STK31: variants seen among roughly 807,000 people sequenced by gnomAD.
The protein encoded by STK31 is serine/threonine-protein kinase 31.
A neutral mutation model predicts 129.7 loss-of-function variants in STK31; 89 were observed. The ratio of observed to expected loss-of-function variants is 0.69; its 90% confidence interval spans 0.58 to 0.82. STK31 has a LOEUF of 0.82. Among genes scored for constraint, STK31 ranks in the 40% least tolerant of loss-of-function variants. STK31 has a pLI of 0.00. For missense variants in STK31, 1,187 were observed against 1,176.4 expected, an observed-to-expected ratio of 1.01 and a Z score of -0.13; for synonymous variants, 448 against 395.3, an observed-to-expected ratio of 1.13 and a Z score of -1.58.
chr7:23,726,713 A>G (rs370969971), intron 4 of STK31, among the ~76,000 whole-genome samples: 18 of 152,238 alleles, frequency 1.2e-4, no homozygotes, highest in Middle Eastern at 3.4e-3. Flanking sequence ...AATAAAGTAC[A>G]GTATTAAAGA....
chr7:23,781,280 A>G, intron 15 of STK31, 139 bp from the exon 16 acceptor site: 1 of 569,088 alleles, frequency 1.8e-6, no homozygotes, highest in East Asian at 3.3e-5. Context: ...TTCAGCAAGT[A>G]TTAGAAGGGT....
chr7:23,745,306 C>T (rs770456865), intron 8 of STK31, among the ~76,000 whole-genome samples: 6 of 152,066 alleles, frequency 3.9e-5, no homozygotes, highest in Non-Finnish European at 7.4e-5. Flanking sequence ...TCCTCAGGTC[C>T]AGGTGGTGAG....
At chr7:23,792,246 T>C (rs1222531833) in intron 22 of STK31, among the ~76,000 whole-genome samples, 1 of 152,188 alleles carries the variant, frequency 6.6e-6, no homozygotes, top group Non-Finnish European at 1.5e-5. Context: ...TCTTTGAGAA[T>C]GTACATAAAA....
At chr7:23,772,699 A>C (rs1790278812) in intron 15 of STK31, among the ~76,000 whole-genome samples, 1 of 152,054 alleles carries the variant, frequency 6.6e-6, no homozygotes, top group South Asian at 2.1e-4. Context: ...CTTTTTATGG[A>C]TAGATGTAAT....
intron 4 of STK31, 102 bp downstream of exon 4, chr7:23,717,681 G>T: frequency 2.2e-6 from 2 of 899,622 alleles, no homozygotes; most frequent in Non-Finnish European, 3.4e-6. Context: ...GAAAAGAAGA[G>T]GCTGATTTTT....
intron 23 of STK31, among the ~76,000 whole-genome samples, chr7:23,824,100 T>C (rs1438535140): frequency 6.6e-6 from 1 of 152,230 alleles, no homozygotes; most frequent in African/African-American, 2.4e-5. Context: ...TGGTTCCATA[T>C]GAACTTTAAA....
chr7:23,806,523 A>T (rs1344542559), intron 22 of STK31, among the ~76,000 whole-genome samples: 1 of 152,200 alleles, frequency 6.6e-6, no homozygotes, highest in East Asian at 1.9e-4. Flanking sequence ...CTTAAAATCT[A>T]GAGGTTTTAT....
chr7:23,716,108 A>G (rs577877171), intron 3 of STK31, among the ~76,000 whole-genome samples: 60 of 152,308 alleles, frequency 3.9e-4, no homozygotes, highest in African/African-American at 1.4e-3. Flanking sequence ...CCAATACAGA[A>G]TCCCAAATTG....
At position 23,717,503 on chromosome 7, in the gene STK31, T is replaced by C. The variant is rs761633249; in HGVS notation, c.173T>C (p.Ile58Thr). Residue 58 changes from isoleucine to threonine, a missense_variant, in exon 4 of 24, where the codon ATC becomes ACC. By Grantham distance (89) the Ile-to-Thr change is moderately conservative. This residue lies in a region of STK31 where 104 missense variants were observed against 98.3 expected (regional missense o/e 1.06). Transcript: ENST00000355870. ...WAQSINRNKD[I>T]MKIGCSLSEV... ...TAGAGTATCAATAGAAATAAGGATA[T>C]CATGAAGATTGGTTGCTCACTGTCT... 1.2e-6 allele frequency: 2 copies of C among 1,611,778 alleles called. No individual in the cohort carries two copies. The highest frequency in any genetic ancestry group is 1.7e-6 in the Non-Finnish European group (2 of 1,178,320).
intron 8 of STK31, among the ~76,000 whole-genome samples, chr7:23,748,773 A>C (rs1395618920): frequency 6.6e-6 from 1 of 152,192 alleles, no homozygotes; most frequent in Non-Finnish European, 1.5e-5. Context: ...TAACATACAG[A>C]ATACTTGCTA....
intron 3 of STK31, among the ~76,000 whole-genome samples, chr7:23,713,186 T>G (rs1345659840): frequency 1.3e-5 from 2 of 152,196 alleles, no homozygotes; most frequent in African/African-American, 4.8e-5. Context: ...CTAGGCCATG[T>G]GGTGTACCTG....
intron 15 of STK31, 31 bp downstream of exon 15, chr7:23,772,309 T>C (rs750284711): frequency 1.3e-6 from 2 of 1,589,302 alleles, no homozygotes; most frequent in East Asian, 2.3e-5. Context: ...TACTGATCTT[T>C]ATGTGCATCT....
At chr7:23,793,368 C>G (rs1383284654) in intron 22 of STK31, among the ~76,000 whole-genome samples, 1 of 152,126 alleles carries the variant, frequency 6.6e-6, no homozygotes, top group Non-Finnish European at 1.5e-5. Flanking sequence ...CAGAAAACAT[C>G]AACTCTAAAA....
intron 6 of STK31, among the ~76,000 whole-genome samples, chr7:23,733,596 C>T (rs936421225): frequency 2.6e-5 from 4 of 151,836 alleles, no homozygotes; most frequent in African/African-American, 7.3e-5. Context: ...ATCACGAGGT[C>T]AGGAGATCGA....
chr7:23,816,278 A>G (rs759265487), intron 23 of STK31, among the ~76,000 whole-genome samples: 4 of 152,224 alleles, frequency 2.6e-5, no homozygotes, highest in Non-Finnish European at 5.9e-5. Flanking sequence ...TTGCTATTAG[A>G]TAGAAAAATA....
intron 6 of STK31, 72 bp downstream of exon 6, chr7:23,729,321 G>C (rs1787260888): frequency 1.5e-6 from 2 of 1,353,616 alleles, no homozygotes; most frequent in African/African-American, 3.0e-5. Context: ...TGTAGGTATA[G>C]TTAAATCTTA....
In STK31 at chr7:23,717,543, G is replaced by C. The variant is rs6945306; in HGVS notation, c.213G>C (p.Gln71His). 0.28 allele frequency: 457,598 copies of C among 1,610,180 alleles called. 67,396 individuals carry two copies. The highest frequency in any genetic ancestry group is 0.35 in the South Asian group (31,940 of 90,840). ...IGCSLSEVCPQASSVLGNLDP... is the reference protein window; with the variant it reads ...IGCSLSEVCPHASSVLGNLDP... The stretch of plus-strand genomic sequence containing the variant: ...GCTCACTGTCTGAAGTTTGCCCCCA[G>C]GCCAGTTCAGTTTTGGGGAATCTTG... The change falls in exon 4 of 24, where the codon CAG becomes CAC. Residue 71 changes from glutamine (Q) to histidine (H), a missense_variant. Coordinates refer to ENST00000355870, the MANE Select transcript of STK31 (RefSeq NM_031414.5).
intron 23 of STK31, among the ~76,000 whole-genome samples, chr7:23,830,592 T>TTTG (rs375886156): frequency 1.1e-4 from 15 of 142,140 alleles, no homozygotes; most frequent in Non-Finnish European, 2.1e-4. Flanking sequence ...AATTTCCATG[T>TTTG]TGTGTGTGTG....
intron 5 of STK31, among the ~76,000 whole-genome samples, chr7:23,728,048 G>A (rs1193933480): frequency 7.3e-6 from 1 of 137,804 alleles, no homozygotes; most frequent in Non-Finnish European, 1.6e-5. Flanking sequence ...TGGGTTAAAT[G>A]TGGTGAGTTT....
Sources: gnomAD v4.1 joint callset for allele counts (sites outside exome capture counted in the v4.1 genomes callset) on GRCh38, gnomAD v4.1.1 for gene constraint, gnomAD v4.1.1 regional missense constraint, MANE v1.5 for transcripts, NCBI Gene and HGNC (gene_info 2026-07-23, HGNC 2026-07-21) for gene names.